The following PCDHGB4 variants were observed in gnomAD, a reference collection of about 807,000 sequenced individuals.
The protein encoded by PCDHGB4 is protocadherin gamma subfamily B, 4.
Under a neutral mutation model 60.5 loss-of-function variants are expected in PCDHGB4, and 38 were observed. The observed-to-expected ratio is 0.63, with a 90% confidence interval of 0.48 to 0.82. PCDHGB4 has a LOEUF of 0.82. Among genes scored for constraint, PCDHGB4 ranks in the 40% least tolerant of loss-of-function variants. The probability of loss-of-function intolerance (pLI) is 0.00; values close to 1 mark genes in which losing one functional copy is unlikely to be tolerated. For synonymous variants in PCDHGB4, 456 were observed against 509.7 expected (o/e 0.89, Z 1.42); for missense variants, 1,109 against 1,209.6 (o/e 0.92, Z 1.23).
rs773126086 is a variant in PCDHGB4 at position 141,487,392 on chromosome 5, G to C, written c.2398-7415G>C. The C allele has an allele frequency of 6.2e-7, 1 of 1,614,176 alleles. No homozygotes were observed. Among genetic ancestry groups the C allele is most frequent in the Non-Finnish European group, 8.5e-7 (1 of 1,180,024 alleles). ...GCCTGTCTCACCAGATCTCGAAGGA[G>C]GGAGGGGCTTCCCCCTTCCAATGGG... On this transcript the variant is annotated intron_variant, in intron 1 of 3. Coordinates refer to ENST00000519479, the MANE Select transcript of PCDHGB4 (RefSeq NM_003736.4). This position sits in a 1 kb window ranked among gnomAD's most constrained non-coding sequence, Gnocchi z 5.0.
Position 141,405,333 on chromosome 5 carries a change from C to T in PCDHGB4, c.2397+15052C>T, listed in dbSNP as rs1253133454. 29 of 1,614,086 alleles carry T rather than the reference C, an allele frequency of 1.8e-5. No homozygotes were observed. Among genetic ancestry groups the T allele is most frequent in the Non-Finnish European group, 2.5e-5 (29 of 1,180,034 alleles). ...GAGAAAAATGAGCCTTTGTGCGTCT[C>T]TGTTGATTCCAAGTTTCCTATAGAA... On this transcript the variant is annotated intron_variant, in intron 1 of 3. Coordinates refer to ENST00000519479, the MANE Select transcript of PCDHGB4 (RefSeq NM_003736.4).
At chr5:141,399,196 G>A (rs201540226) in intron 1 of PCDHGB4, 2 of 1,613,938 alleles carry the variant, frequency 1.2e-6, no homozygotes, top group Non-Finnish European at 1.7e-6. Flanking sequence ...GGAAAACGCG[G>A]TGCCTGGAAC....
At chr5:141,484,908 G>T in intron 1 of PCDHGB4, 1 of 415,428 alleles carries the variant, frequency 2.4e-6, no homozygotes, top group East Asian at 4.2e-5. Context: ...ATGCTGCGAC[G>T]CATTAACCCT....
intron 1 of PCDHGB4, chr5:141,440,130 A>G (rs1222064545): frequency 6.6e-6 from 1 of 152,282 alleles, no homozygotes; most frequent in African/African-American, 2.4e-5. Context: ...TGAATGGATC[A>G]GGAGCAGATA....
intron 2 of PCDHGB4, among the ~76,000 whole-genome samples, chr5:141,498,839 A>C (rs2099786236): frequency 6.6e-6 from 1 of 152,062 alleles, no homozygotes; most frequent in Non-Finnish European, 1.5e-5. Context: ...AGGCTGAGGC[A>C]GGGGAATCGC....
rs201391904 is a variant in PCDHGB4, at chr5:141,494,843, G to A, written c.2434G>A (p.Ala812Thr). Residue 812 changes from alanine to threonine, a missense_variant, in exon 2 of 4, where the codon GCC becomes ACC. Transcript: ENST00000519479. ...PPNTDWRFSQ[A>T]QRPGTSGSQN... is the part of the protein sequence containing the mutation. ...CAACACGGACTGGCGTTTCTCTCAG[G>A]CCCAGAGACCCGGCACCAGCGGGTA... 1.9e-6 allele frequency: 3 copies of A among 1,614,088 alleles called. No homozygotes were observed. Among genetic ancestry groups the A allele is most frequent in the Admixed American group, 3.3e-5 (2 of 60,008 alleles).
chr5:141,398,942 G>C (rs748252181), intron 1 of PCDHGB4: 1 of 1,613,766 alleles, frequency 6.2e-7, no homozygotes, highest in Non-Finnish European at 8.5e-7. Context: ...CAAGACGAGG[G>C]CATCAACTCA....
chr5:141,415,432 T>G, intron 1 of PCDHGB4: 1 of 1,614,222 alleles, frequency 6.2e-7, no homozygotes, highest in East Asian at 2.2e-5. Flanking sequence ...GGTTCGGGCT[T>G]TCCTGCAGAC....
intron 1 of PCDHGB4, among the ~76,000 whole-genome samples, chr5:141,482,257 T>C (rs2099555476): frequency 1.3e-5 from 2 of 152,156 alleles, no homozygotes; most frequent in Admixed American, 1.3e-4. Context: ...ACTGTACATA[T>C]TAGTTGTTTA....
chr5:141,455,798 T>TA (rs2098831882), intron 1 of PCDHGB4, among the ~76,000 whole-genome samples: 1 of 152,036 alleles, frequency 6.6e-6, no homozygotes, highest in African/African-American at 2.4e-5. Flanking sequence ...GGAGATGCTT[T>TA]AAAAAATGAA....
At position 141,413,553 on chromosome 5, in the gene PCDHGB4, A is replaced by G; in HGVS notation, c.2397+23272A>G. On this transcript the variant is annotated intron_variant, in intron 1 of 3. Coordinates refer to ENST00000519479, the MANE Select transcript of PCDHGB4 (RefSeq NM_003736.4). ...TGAAACTTTTTGGGATAGAAATAGA[A>G]GTAACTGATATCAATGACAATGCTC... The G allele has an allele frequency of 6.2e-7, 1 of 1,613,938 alleles. No individual in the cohort carries two copies. Among genetic ancestry groups the G allele is most frequent in the Non-Finnish European group, 8.5e-7 (1 of 1,179,902 alleles).
At chr5:141,443,853 A>G (rs929370798) in intron 1 of PCDHGB4, among the ~76,000 whole-genome samples, 3 of 152,230 alleles carry the variant, frequency 2.0e-5, no homozygotes, top group African/African-American at 7.2e-5. Flanking sequence ...GGAAAGTCTG[A>G]AAACTGAAAA....
intron 1 of PCDHGB4, chr5:141,391,730 G>T (rs1334378138): frequency 1.3e-5 from 2 of 152,140 alleles, no homozygotes; most frequent in African/African-American, 4.8e-5. Flanking sequence ...AGACTTTTTT[G>T]TAGTCATACT....
chr5:141,402,843 G>C (rs1370040306), intron 1 of PCDHGB4: 5 of 1,399,114 alleles, frequency 3.6e-6, no homozygotes, highest in Non-Finnish European at 4.7e-6. Flanking sequence ...GCAAAACTCA[G>C]CCTCTTTCTT....
rs772195653 is a variant in PCDHGB4 at position 141,477,704 on chromosome 5, C to A, written c.2398-17103C>A. On this transcript the variant is annotated intron_variant, in intron 1 of 3. Transcript: ENST00000519479. The surrounding 1 kb of genome is among the most constrained non-coding windows in gnomAD (Gnocchi z 4.9). ...CTTAGTGCCCCTAGACTATGAGGAT[C>A]GGCGGGAATTTGAATTAACAGCTCA... The A allele has an allele frequency of 5.0e-6, 8 of 1,613,850 alleles. No individual in the cohort carries two copies. Among genetic ancestry groups the A allele is most frequent in the Non-Finnish European group, 5.9e-6 (7 of 1,180,046 alleles).
intron 1 of PCDHGB4, chr5:141,419,776 C>T (rs965350189): frequency 1.2e-6 from 2 of 1,614,026 alleles, no homozygotes; most frequent in Admixed American, 1.7e-5. Context: ...ACTCGGTCCG[C>T]CAGCGCCTGC....
At chr5:141,437,205 A>G (rs1561884114) in intron 1 of PCDHGB4, among the ~76,000 whole-genome samples, 1 of 152,202 alleles carries the variant, frequency 6.6e-6, no homozygotes, top group African/African-American at 2.4e-5. Context: ...ATGTGTTTAC[A>G]TTTATTCTGA....
At chr5:141,460,335 T>C (rs1201595717) in intron 1 of PCDHGB4, among the ~76,000 whole-genome samples, 3 of 152,194 alleles carry the variant, frequency 2.0e-5, no homozygotes, top group Non-Finnish European at 4.4e-5. Flanking sequence ...CTTATGATGA[T>C]TTTCTCCTAT....
chr5:141,395,420 T>A, intron 1 of PCDHGB4: 1 of 771,734 alleles, frequency 1.3e-6, no homozygotes, highest in Non-Finnish European at 2.0e-6. Flanking sequence ...ATTGTTTCAT[T>A]TGCTTTTAAA....
Sources: allele counts gnomAD v4.1 joint callset (sites outside exome capture counted in the v4.1 genomes callset), GRCh38; gene constraint gnomAD v4.1.1; non-coding constraint Gnocchi (gnomAD v3.1); transcripts MANE v1.5; gene names NCBI Gene and HGNC (gene_info 2026-07-23, HGNC 2026-07-21).